The following DPP6 variants were observed in gnomAD, a reference collection of about 807,000 sequenced individuals.
The protein encoded by DPP6 is A-type potassium channel modulatory protein DPP6.
In DPP6, 69 loss-of-function variants were observed where a neutral mutation model predicts 122.6. The observed-to-expected ratio is 0.56, with a 90% CI of 0.46 to 0.69. The LOEUF is 0.69. Ranked by LOEUF, DPP6 falls within the 30% of genes least tolerant of loss-of-function variation. DPP6 has a pLI of 0.00. For synonymous variants in DPP6, 418 were observed against 433.1 expected (o/e 0.97, Z 0.43); for missense variants, 928 against 1,116.9 (o/e 0.83, Z 2.41).
intron 1 of DPP6, among the ~76,000 whole-genome samples, chr7:154,142,259 T>C (rs182200200): frequency 0.013 from 2,020 of 151,996 alleles, 33 homozygotes; most frequent in African/African-American, 0.045. Flanking sequence ...TAAGTGAAAT[T>C]AACACAACGT....
chr7:154,759,243 G>C (rs1159625852), intron 8 of DPP6, among the ~76,000 whole-genome samples: 1 of 152,164 alleles, frequency 6.6e-6, no homozygotes, highest in Non-Finnish European at 1.5e-5. Context: ...TGCTTCCCCA[G>C]TCTTCACATG....
the DPP6 span, among the ~76,000 whole-genome samples, chr7:153,856,850 G>T: frequency 6.6e-6 from 1 of 152,152 alleles, no homozygotes; most frequent in Non-Finnish European, 1.5e-5. Context: ...GGGATTATTG[G>T]CTCCTTAAGA....
chr7:154,420,173 C>G (rs1425431448), intron 1 of DPP6, among the ~76,000 whole-genome samples: 1 of 152,118 alleles, frequency 6.6e-6, no homozygotes, highest in Non-Finnish European at 1.5e-5. Flanking sequence ...CCTGTCTCTA[C>G]TAAAAGCACA....
intron 1 of DPP6, among the ~76,000 whole-genome samples, chr7:154,088,776 C>T (rs886936597): frequency 2.0e-4 from 31 of 152,056 alleles, no homozygotes; most frequent in Admixed American, 1.4e-3. Context: ...AAGAGAAACT[C>T]GTGCTTTCCT....
chr7:153,857,781 G>A, the DPP6 span, among the ~76,000 whole-genome samples: 41,167 of 151,898 alleles, frequency 0.27, 6,480 homozygotes, highest in Admixed American at 0.35. Flanking sequence ...TGGTTTTCCT[G>A]ATAGAATTTA....
chr7:154,583,156 G>A (rs1832192388), intron 5 of DPP6, among the ~76,000 whole-genome samples: 1 of 152,212 alleles, frequency 6.6e-6, no homozygotes, highest in Non-Finnish European at 1.5e-5. Context: ...GCCTGTTTTA[G>A]GCTGCCTGGG....
intron 1 of DPP6, among the ~76,000 whole-genome samples, chr7:154,101,597 T>C (rs749980909): frequency 7.2e-5 from 11 of 151,944 alleles, no homozygotes; most frequent in Non-Finnish European, 1.5e-4. Flanking sequence ...AAAAATCCTT[T>C]ACATTCTGTA....
intron 1 of DPP6, among the ~76,000 whole-genome samples, chr7:153,988,220 C>T (rs1796944901): frequency 6.6e-6 from 1 of 152,104 alleles, no homozygotes; most frequent in South Asian, 2.1e-4. Context: ...TGACAAGAAG[C>T]TGGCGCCTTT....
In DPP6 at chr7:154,578,784, G is replaced by A. The variant is rs929682398; in HGVS notation, c.627+11868G>A. On this transcript the variant is annotated intron_variant, in intron 5 of 25. Transcript: ENST00000377770. ...TCCGTGAGGGTAGGTGTGCATATGT[G>A]TGCACAAAGGGAGTAAGTAGTAAGT... Among the ~76,000 whole-genome samples the A allele has an allele frequency of 1.3e-3, 192 of 152,268 alleles. 3 individuals are homozygous for A. The highest frequency in any genetic ancestry group is 3.4e-3 in the Middle Eastern group (1 of 294).
chr7:154,587,852 A>G, intron 5 of DPP6: 2 of 1,612,798 alleles, frequency 1.2e-6, no homozygotes, highest in South Asian at 1.1e-5. Flanking sequence ...TGCCATGTAC[A>G]AGGGGGACCT....
At chr7:154,883,018 G>T (rs1563320872) in intron 21 of DPP6, among the ~76,000 whole-genome samples, 1 of 151,194 alleles carries the variant, frequency 6.6e-6, no homozygotes, top group Admixed American at 6.6e-5. Context: ...CATACACATG[G>T]ATGCTCACCC....
At chr7:153,759,795 T>C in the DPP6 span, among the ~76,000 whole-genome samples, 15 of 152,244 alleles carry the variant, frequency 9.9e-5, no homozygotes, top group Admixed American at 1.3e-4. Context: ...AAAATACCTT[T>C]AAGTTAGGCA....
At chr7:154,063,598 C>A (rs1348844257) in intron 1 of DPP6, among the ~76,000 whole-genome samples, 1 of 53,702 alleles carries the variant, frequency 1.9e-5, no homozygotes, top group Non-Finnish European at 3.2e-5. Context: ...ACCCCCATCG[C>A]AGTGAGGGAG....
intron 3 of DPP6, among the ~76,000 whole-genome samples, chr7:154,531,857 A>G (rs1354203911): frequency 6.6e-6 from 1 of 152,118 alleles, no homozygotes; most frequent in Non-Finnish European, 1.5e-5. Flanking sequence ...TTGAAAATTT[A>G]ATGGTATATA....
intron 3 of DPP6, among the ~76,000 whole-genome samples, chr7:154,498,997 G>A (rs1363941809): frequency 6.6e-6 from 1 of 152,202 alleles, no homozygotes; most frequent in Non-Finnish European, 1.5e-5. Flanking sequence ...TTTGTTGGCA[G>A]TCACAGCTCT....
chr7:153,874,847 C>A, the DPP6 span, among the ~76,000 whole-genome samples: 1 of 151,988 alleles, frequency 6.6e-6, no homozygotes, highest in African/African-American at 2.4e-5. Flanking sequence ...TATCTGGTTA[C>A]AAGTAGAAAA....
At chr7:154,147,932 C>A (rs2150677424) in intron 1 of DPP6, among the ~76,000 whole-genome samples, 1 of 151,570 alleles carries the variant, frequency 6.6e-6, no homozygotes, top group East Asian at 1.9e-4. Context: ...TTTCGATAGC[C>A]CAAGCTTATC....
At chr7:154,063,167 C>A (rs1196117715) in intron 1 of DPP6, among the ~76,000 whole-genome samples, 1 of 122,530 alleles carries the variant, frequency 8.2e-6, no homozygotes, top group African/African-American at 3.0e-5. Context: ...TCCCCTTTTC[C>A]GCCCCTGGCT....
chr7:154,313,714 T>TATATATATATATATATGCATAC (rs1177234778), intron 1 of DPP6, among the ~76,000 whole-genome samples: 1 of 17,784 alleles, frequency 5.6e-5, no homozygotes, highest in Admixed American at 7.3e-4. Flanking sequence ...TATATATATA[T>TATATATATATATATATGCATAC]ACACACACAC....
Sources: allele counts gnomAD v4.1 joint callset (sites outside exome capture counted in the v4.1 genomes callset), GRCh38; gene constraint gnomAD v4.1.1; transcripts MANE v1.5; gene names NCBI Gene and HGNC (gene_info 2026-07-23, HGNC 2026-07-21).